The following PDE7B variants were observed in gnomAD, a reference collection of about 807,000 sequenced individuals.
PDE7B encodes the protein 3',5'-cyclic-AMP phosphodiesterase 7B.
PDE7B carries 29 observed loss-of-function variants against 56.2 expected under a neutral mutation model. That is an observed-to-expected ratio of 0.52 (90% CI 0.38 to 0.70). The LOEUF (loss-of-function observed/expected upper bound fraction) is 0.70. PDE7B is among the 30% of genes least tolerant of loss of function. PDE7B has a pLI of 0.00. For missense variants in PDE7B, 490 were observed against 565.0 expected, an observed-to-expected ratio of 0.87 and a Z score of 1.35; for synonymous variants, 197 against 196.9, an observed-to-expected ratio of 1.00 and a Z score of 0.00.
At chr6:135,978,136 C>A (rs1775225069) in intron 2 of PDE7B, among the ~76,000 whole-genome samples, 1 of 152,106 alleles carries the variant, frequency 6.6e-6, no homozygotes, top group African/African-American at 2.4e-5. Flanking sequence ...GATGGTATAG[C>A]CTACTACGCA....
At chr6:136,080,588 T>C (rs1369600992) in intron 2 of PDE7B, among the ~76,000 whole-genome samples, 3 of 152,224 alleles carry the variant, frequency 2.0e-5, no homozygotes, top group African/African-American at 7.2e-5. Flanking sequence ...TAAACTGTCA[T>C]ATCTCTGCTT....
intron 2 of PDE7B, chr6:136,038,346 G>T (rs1776362293): frequency 1.5e-6 from 2 of 1,292,098 alleles, no homozygotes; most frequent in South Asian, 2.4e-5. Context: ...AGGTGGACAG[G>T]CCCAGAAGGT....
chr6:136,080,486 C>G (rs768706371), intron 2 of PDE7B, among the ~76,000 whole-genome samples: 1 of 152,200 alleles, frequency 6.6e-6, no homozygotes, highest in Non-Finnish European at 1.5e-5. Context: ...AAGAAACTAA[C>G]AGCATGAGAA....
Position 136,037,886 on chromosome 6 carries a change from C to CT in PDE7B, c.83-70835dup, listed in dbSNP as rs68164226. The CT allele has an allele frequency of 7.9e-4, 718 of 910,932 alleles. 1 individual carries two copies. Among genetic ancestry groups the CT allele is most frequent in the South Asian group, 1.8e-3 (36 of 19,748 alleles). The allele number at this position is 910,932 out of a possible 1,614,324, so 56.4% of individuals were successfully genotyped here. On this transcript the variant is annotated intron_variant, in intron 2 of 12. Coordinates refer to ENST00000308191, the MANE Select transcript of PDE7B (RefSeq NM_018945.4). ...AAAGCAAATGCTAGAACCTCGATGG[C>CT]TTTTTTTTTTCTCCCTGCTGTCGTT...
chr6:136,087,593 T>A (rs1777313924), intron 2 of PDE7B, among the ~76,000 whole-genome samples: 1 of 152,178 alleles, frequency 6.6e-6, no homozygotes, highest in Non-Finnish European at 1.5e-5. Flanking sequence ...TTTTGAGACC[T>A]AAAATCATTA....
At chr6:135,951,632 T>G (rs1774700698) in intron 2 of PDE7B, among the ~76,000 whole-genome samples, 1 of 152,174 alleles carries the variant, frequency 6.6e-6, no homozygotes, top group Non-Finnish European at 1.5e-5. Flanking sequence ...CTATTTTTCT[T>G]ATTATTAGAA....
intron 2 of PDE7B, among the ~76,000 whole-genome samples, chr6:135,974,427 C>T (rs1438818032): frequency 1.3e-5 from 2 of 152,104 alleles, no homozygotes; most frequent in Admixed American, 1.3e-4. Flanking sequence ...CCCTGAAACA[C>T]TGACCTTGAG....
intron 2 of PDE7B, among the ~76,000 whole-genome samples, chr6:135,973,603 GT>G (rs1775132433): frequency 6.6e-6 from 1 of 152,096 alleles, no homozygotes; most frequent in Non-Finnish European, 1.5e-5. Flanking sequence ...GTACACAAGG[GT>G]TCCAGTTTCT....
intron 2 of PDE7B, among the ~76,000 whole-genome samples, chr6:136,010,500 G>T (rs1775873935): frequency 6.6e-6 from 1 of 151,368 alleles, no homozygotes; most frequent in Non-Finnish European, 1.5e-5. Context: ...CCACCTCCTG[G>T]GTTCAAGCGA....
chr6:135,855,891 C>T (rs536250556), intron 1 of PDE7B, among the ~76,000 whole-genome samples: 16 of 151,540 alleles, frequency 1.1e-4, no homozygotes, highest in Admixed American at 2.0e-4. Flanking sequence ...CATGGTGGCT[C>T]GGAACTTCAA....
chr6:135,885,637 G>T (rs765662766), intron 1 of PDE7B, among the ~76,000 whole-genome samples: 1 of 152,080 alleles, frequency 6.6e-6, no homozygotes, highest in Non-Finnish European at 1.5e-5. Context: ...ATTAAGCTTT[G>T]AAGAAGAGGA....
chr6:136,066,133 A>G (rs976036916), intron 2 of PDE7B, among the ~76,000 whole-genome samples: 4 of 152,222 alleles, frequency 2.6e-5, no homozygotes, highest in Non-Finnish European at 5.9e-5. Flanking sequence ...TCAGAAGGAA[A>G]GACTCTTCTA....
At chr6:135,873,091 T>G (rs1433844553) in intron 1 of PDE7B, among the ~76,000 whole-genome samples, 1 of 152,170 alleles carries the variant, frequency 6.6e-6, no homozygotes, top group Non-Finnish European at 1.5e-5. Context: ...ATACGATTGC[T>G]CCATACTATG....
intron 2 of PDE7B, among the ~76,000 whole-genome samples, chr6:136,059,576 G>A (rs184903510): frequency 6.6e-6 from 1 of 152,190 alleles, no homozygotes; most frequent in Non-Finnish European, 1.5e-5. Flanking sequence ...GCAAGGAGGG[G>A]TGGTGGCTTT....
intron 1 of PDE7B, among the ~76,000 whole-genome samples, chr6:135,862,810 G>T (rs908257781): frequency 4.6e-5 from 7 of 151,762 alleles, no homozygotes; most frequent in African/African-American, 1.7e-4. Flanking sequence ...TACATTTAAA[G>T]AAGCAAATTT....
chr6:136,089,138 T>TCCCA (rs1303788433), intron 2 of PDE7B, among the ~76,000 whole-genome samples: 1 of 152,186 alleles, frequency 6.6e-6, no homozygotes, highest in Non-Finnish European at 1.5e-5. Flanking sequence ...CATGATAAGG[T>TCCCA]CCCACCTCAG....
intron 1 of PDE7B, among the ~76,000 whole-genome samples, chr6:135,883,030 T>G (rs1447202560): frequency 1.3e-5 from 2 of 152,208 alleles, no homozygotes; most frequent in Non-Finnish European, 2.9e-5. Context: ...CCTCAATTAC[T>G]CCAGGCATTC....
At chr6:136,162,596 C>T (rs563108698) in intron 8 of PDE7B, among the ~76,000 whole-genome samples, 1 of 152,276 alleles carries the variant, frequency 6.6e-6, no homozygotes, top group Non-Finnish European at 1.5e-5. Context: ...CACAGTCATG[C>T]CTTTCCAACA....
At chr6:136,171,247 A>T (rs1265067845) in intron 8 of PDE7B, among the ~76,000 whole-genome samples, 1 of 152,194 alleles carries the variant, frequency 6.6e-6, no homozygotes, top group Non-Finnish European at 1.5e-5. Context: ...CAAGGACAGG[A>T]ATGTTAAGAT....
Sources: gnomAD v4.1 joint callset for allele counts (sites outside exome capture counted in the v4.1 genomes callset) on GRCh38, gnomAD v4.1.1 for gene constraint, MANE v1.5 for transcripts, NCBI Gene and HGNC (gene_info 2026-07-23, HGNC 2026-07-21) for gene names.